Variants in NRXN1 observed in about 807,000 individuals in gnomAD.
NRXN1 encodes neurexin 1.
NRXN1 carries 39 observed loss-of-function variants against 150.9 expected under a neutral mutation model. That is an observed-to-expected ratio of 0.26 (90% CI 0.20 to 0.34). The LOEUF (loss-of-function observed/expected upper bound fraction) is 0.34, where lower values mean the gene tolerates loss of function less well. NRXN1 is among the 10% of genes least tolerant of loss of function. The pLI, the probability that NRXN1 is intolerant of heterozygous loss-of-function variation, is 1.00. For missense variants in NRXN1, 1,815 were observed against 1,949.9 expected, an observed-to-expected ratio of 0.93 and a Z score of 1.30; for synonymous variants, 924 against 757.0, an observed-to-expected ratio of 1.22 and a Z score of -3.62.
chr2:50,242,747 T>A (rs981069907), intron 17 of NRXN1, among the ~76,000 whole-genome samples: 1 of 151,682 alleles, frequency 6.6e-6, no homozygotes, highest in African/African-American at 2.4e-5. Flanking sequence ...GGACTATATA[T>A]CATAAATTAA....
intron 5 of NRXN1, among the ~76,000 whole-genome samples, chr2:50,651,472 A>AACATGACATG (rs59984890): frequency 8.0e-4 from 120 of 149,614 alleles, no homozygotes; most frequent in South Asian, 3.0e-3. Flanking sequence ...AACATAACGT[A>AACATGACATG]ACATGACATG....
At chr2:50,735,372 A>C (rs1036852231) in intron 5 of NRXN1, among the ~76,000 whole-genome samples, 1 of 152,170 alleles carries the variant, frequency 6.6e-6, no homozygotes, top group Admixed American at 6.6e-5. Flanking sequence ...AAATGTAATG[A>C]AACGTACCAA....
chr2:50,928,564 T>C (rs745767337), intron 2 of NRXN1, among the ~76,000 whole-genome samples: 1 of 152,080 alleles, frequency 6.6e-6, no homozygotes, highest in Non-Finnish European at 1.5e-5. Flanking sequence ...CTGTACTAAA[T>C]AATAAATGTC....
chr2:50,357,193 C>A (rs2078877458), intron 17 of NRXN1, among the ~76,000 whole-genome samples: 2 of 152,004 alleles, frequency 1.3e-5, no homozygotes, highest in African/African-American at 4.8e-5. Flanking sequence ...CACTTTAACC[C>A]AGTTCAAGGC....
chr2:50,911,543 C>T (rs879823224), intron 5 of NRXN1, among the ~76,000 whole-genome samples: 1 of 151,842 alleles, frequency 6.6e-6, no homozygotes, highest in Non-Finnish European at 1.5e-5. Flanking sequence ...ACAACATATT[C>T]TTGTTTTATT....
intron 17 of NRXN1, among the ~76,000 whole-genome samples, chr2:50,238,469 C>T (rs2065679948): frequency 6.6e-6 from 1 of 151,858 alleles, no homozygotes; most frequent in Non-Finnish European, 1.5e-5. Context: ...CATGATTATA[C>T]ATAATAAGAG....
chr2:50,441,978 C>T (rs2085994009), intron 17 of NRXN1, among the ~76,000 whole-genome samples: 1 of 152,198 alleles, frequency 6.6e-6, no homozygotes, highest in African/African-American at 2.4e-5. Flanking sequence ...AGAGTTGGAT[C>T]AGCATCCACT....
chr2:50,852,522 G>T (rs966865109), intron 5 of NRXN1, among the ~76,000 whole-genome samples: 1 of 152,104 alleles, frequency 6.6e-6, no homozygotes, highest in Non-Finnish European at 1.5e-5. Context: ...GTCAAAAAGA[G>T]TCAGGTTCTG....
intron 17 of NRXN1, among the ~76,000 whole-genome samples, chr2:50,382,743 G>C (rs74365575): frequency 0.028 from 4,264 of 152,222 alleles, 174 homozygotes; most frequent in African/African-American, 0.096. Context: ...TCTGATTCAA[G>C]TCAGGACGAG....
At chr2:50,233,023 A>G (rs2065094007) in intron 18 of NRXN1, among the ~76,000 whole-genome samples, 1 of 152,050 alleles carries the variant, frequency 6.6e-6, no homozygotes, top group South Asian at 2.1e-4. Flanking sequence ...GGACTTTCTC[A>G]GAGTTATATA....
chr2:50,623,223 C>A, intron 6 of NRXN1, 91 bp downstream of exon 6: 1 of 987,822 alleles, frequency 1.0e-6, no homozygotes, highest in Non-Finnish European at 1.5e-6. Context: ...TCTGAGGAGC[C>A]CTGTATCATG....
At chr2:50,076,242 C>G (rs1462569973) in intron 19 of NRXN1, among the ~76,000 whole-genome samples, 3 of 152,066 alleles carry the variant, frequency 2.0e-5, no homozygotes, top group Non-Finnish European at 2.9e-5. Flanking sequence ...AGGTTTGTCT[C>G]CATTTATGTG....
At chr2:50,272,115 T>C (rs2069758096) in intron 17 of NRXN1, among the ~76,000 whole-genome samples, 1 of 152,218 alleles carries the variant, frequency 6.6e-6, no homozygotes, top group African/African-American at 2.4e-5. Context: ...GGAGCAGGTC[T>C]GACTCAGAGA....
chr2:50,104,050 T>C (rs1573932185), intron 18 of NRXN1, among the ~76,000 whole-genome samples: 1 of 152,012 alleles, frequency 6.6e-6, no homozygotes, highest in East Asian at 1.9e-4. Flanking sequence ...GGAGATAATT[T>C]TGAGAACTTA....
chr2:50,318,059 C>T (rs1158879945), intron 17 of NRXN1, among the ~76,000 whole-genome samples: 2 of 151,834 alleles, frequency 1.3e-5, no homozygotes. Flanking sequence ...AAATTCCAGT[C>T]ACATACTAGA....
chr2:50,112,518 G>GCT (rs1480966404), intron 18 of NRXN1, among the ~76,000 whole-genome samples: 1 of 152,048 alleles, frequency 6.6e-6, no homozygotes, highest in Admixed American at 6.6e-5. Context: ...GTGCATTCTC[G>GCT]CTCTCTCTCA....
At chr2:50,753,113 C>T (rs1284171354) in intron 5 of NRXN1, among the ~76,000 whole-genome samples, 2 of 151,706 alleles carry the variant, frequency 1.3e-5, no homozygotes, top group African/African-American at 2.4e-5. Flanking sequence ...TACTGGTATG[C>T]TTAATGAGTT....
At chr2:50,455,487 C>G (rs1222565367) in intron 17 of NRXN1, among the ~76,000 whole-genome samples, 1 of 152,180 alleles carries the variant, frequency 6.6e-6, no homozygotes, top group Admixed American at 6.6e-5. Flanking sequence ...CTTCAACACA[C>G]TGAAAATGCT....
At chr2:50,022,773 A>G (rs1354687008) in intron 21 of NRXN1, 2 of 152,156 alleles carry the variant, frequency 1.3e-5, no homozygotes, top group African/African-American at 4.8e-5. Flanking sequence ...ATTTCCTTTC[A>G]CTCTTTCTAT....
Sources: gnomAD v4.1 joint callset for allele counts (sites outside exome capture counted in the v4.1 genomes callset) on GRCh38, gnomAD v4.1.1 for gene constraint, MANE v1.5 for transcripts, NCBI Gene and HGNC (gene_info 2026-07-23, HGNC 2026-07-21) for gene names.